Variants in DNAAF9 observed in about 807,000 individuals in gnomAD.
The protein encoded by DNAAF9 is shulin.
A neutral mutation model predicts 167.0 loss-of-function variants in DNAAF9; 90 were observed. The ratio of observed to expected loss-of-function variants is 0.54; its 90% confidence interval spans 0.45 to 0.64. DNAAF9 has a LOEUF of 0.64. DNAAF9 is among the 30% of genes least tolerant of loss of function. The probability of loss-of-function intolerance (pLI) is 0.00; values close to 1 mark genes in which losing one functional copy is unlikely to be tolerated. For missense variants in DNAAF9, 1,315 were observed against 1,442.2 expected (o/e 0.91, Z 1.43); for synonymous variants, 491 against 508.8 (o/e 0.96, Z 0.47).
At chr20:3,378,131 T>C (rs964268761) in intron 3 of DNAAF9, among the ~76,000 whole-genome samples, 3 of 152,172 alleles carry the variant, frequency 2.0e-5, no homozygotes, top group Admixed American at 6.5e-5. Context: ...GGACCAGACA[T>C]AGCTGAGTAC....
At chr20:3,328,845 C>T (rs916081018) in intron 12 of DNAAF9, among the ~76,000 whole-genome samples, 8 of 150,574 alleles carry the variant, frequency 5.3e-5, no homozygotes, top group Non-Finnish European at 8.8e-5. Flanking sequence ...TACACACACA[C>T]GTATACACAC....
Position 3,336,252 on chromosome 20 carries a change from G to GTTTTTTTTTTTTTTTTT in DNAAF9, c.982-3892_982-3891insAAAAAAAAAAAAAAAAA, listed in dbSNP as rs1178750984. Among the ~76,000 whole-genome samples the GTTTTTTTTTTTTTTTTT allele has an allele frequency of 4.1e-4, 33 of 81,436 alleles. 5 individuals are homozygous for GTTTTTTTTTTTTTTTTT. Among genetic ancestry groups the GTTTTTTTTTTTTTTTTT allele is most frequent in the South Asian group, 9.0e-4 (2 of 2,214 alleles). 53.4% of individuals were successfully genotyped at this position (81,436 alleles called of 152,430 possible). On this transcript the variant is annotated intron_variant, in intron 10 of 36. Transcript: ENST00000252032. ...TGATTTTGCAGATTCACAGTTTTGC[G>GTTTTTTTTTTTTTTTTT]TTTTTGTTTTTTTTTTTTTTTTTGC...
chr20:3,295,941 C>T, intron 23 of DNAAF9: 1 of 1,579,336 alleles, frequency 6.3e-7, no homozygotes. Context: ...TCCCCTGTCT[C>T]TGTGATGTTG....
intron 14 of DNAAF9, among the ~76,000 whole-genome samples, chr20:3,324,483 G>A (rs1452906025): frequency 1.3e-5 from 2 of 151,990 alleles, no homozygotes; most frequent in Admixed American, 1.3e-4. Flanking sequence ...CCAGGCTCAG[G>A]GTTTCTGTCA....
intron 16 of DNAAF9, among the ~76,000 whole-genome samples, chr20:3,319,579 G>A (rs182294237): frequency 8.5e-5 from 13 of 152,240 alleles, no homozygotes; most frequent in Admixed American, 2.0e-4. Context: ...AGTAGTGAGC[G>A]GTGGGTGCTG....
intron 25 of DNAAF9, among the ~76,000 whole-genome samples, chr20:3,290,531 A>G (rs1245122962): frequency 6.6e-6 from 1 of 152,216 alleles, no homozygotes; most frequent in Non-Finnish European, 1.5e-5. Context: ...TAGATTAGTT[A>G]AAATACAATG....
chr20:3,313,643 G>GTTT (rs1007956208), intron 20 of DNAAF9, among the ~76,000 whole-genome samples: 4 of 152,270 alleles, frequency 2.6e-5, no homozygotes, highest in Non-Finnish European at 5.9e-5. Flanking sequence ...GACCAACAAG[G>GTTT]TTTTTGAGGA....
chr20:3,363,889 T>G (rs1269106559), intron 6 of DNAAF9, among the ~76,000 whole-genome samples: 1 of 152,176 alleles, frequency 6.6e-6, no homozygotes, highest in Non-Finnish European at 1.5e-5. Flanking sequence ...TCTTAAAAAA[T>G]TCTCAATTAT....
At chr20:3,255,861 G>T in intron 34 of DNAAF9, 145 bp downstream of exon 34, 1 of 637,606 alleles carries the variant, frequency 1.6e-6, no homozygotes, top group South Asian at 1.9e-5. Flanking sequence ...CTCTCAAAGT[G>T]TCCCTGCAAG....
intron 1 of DNAAF9, among the ~76,000 whole-genome samples, chr20:3,399,026 T>C (rs774093149): frequency 9.9e-5 from 15 of 152,208 alleles, no homozygotes; most frequent in South Asian, 2.1e-4. Flanking sequence ...ACATATGATA[T>C]GCCTTGATAT....
chr20:3,291,380 C>T lies in DNAAF9; in HGVS notation c.2239-1163G>A, dbSNP rs575276766. Among the ~76,000 whole-genome samples the T allele has an allele frequency of 3.6e-4, 54 of 149,554 alleles. No individual in the cohort carries two copies. In the East Asian group the frequency reaches 6.7e-3, roughly 19 times the overall value. On this transcript the variant is annotated intron_variant, in intron 25 of 36. Transcript: ENST00000252032. ...TTTTTTTTGAGACGGAGTCTCGCTC[C>T]GTCGCCAGGCTGGAGTGCAGTGGTG...
At chr20:3,313,790 C>T (rs571629984) in intron 20 of DNAAF9, among the ~76,000 whole-genome samples, 1 of 152,318 alleles carries the variant, frequency 6.6e-6, no homozygotes, top group South Asian at 2.1e-4. Flanking sequence ...AAACAAAGTA[C>T]TACCTTTCAC....
At chr20:3,295,039 G>A (rs1209484156) in intron 23 of DNAAF9, among the ~76,000 whole-genome samples, 2 of 151,756 alleles carry the variant, frequency 1.3e-5, no homozygotes, top group African/African-American at 2.4e-5. Flanking sequence ...CTAATTTTGT[G>A]TTTGTATTTT....
intron 22 of DNAAF9, among the ~76,000 whole-genome samples, chr20:3,297,609 C>T (rs1358373212): frequency 6.6e-6 from 1 of 152,158 alleles, no homozygotes; most frequent in Non-Finnish European, 1.5e-5. Context: ...TCTATGCCAT[C>T]TGTGCTGAGT....
At chr20:3,281,845 G>T in intron 27 of DNAAF9, 79 bp from the exon 28 acceptor site, 1 of 1,461,908 alleles carries the variant, frequency 6.8e-7, no homozygotes, top group Non-Finnish European at 9.4e-7. Flanking sequence ...CCGAATGGCT[G>T]ATTGAACAAG....
intron 25 of DNAAF9, among the ~76,000 whole-genome samples, chr20:3,292,775 A>G (rs2068985300): frequency 1.3e-5 from 2 of 148,870 alleles, no homozygotes; most frequent in Admixed American, 6.7e-5. Flanking sequence ...CAAAAAAGAA[A>G]AAAAAAAAAA....
chr20:3,399,416 G>A (rs1347239852), intron 1 of DNAAF9, among the ~76,000 whole-genome samples: 7 of 152,094 alleles, frequency 4.6e-5, no homozygotes, highest in Admixed American at 2.0e-4. Context: ...CATCATGCTC[G>A]CCAGGCTGGT....
intron 12 of DNAAF9, among the ~76,000 whole-genome samples, chr20:3,327,463 C>T (rs1042067512): frequency 3.3e-5 from 5 of 151,968 alleles, no homozygotes; most frequent in African/African-American, 7.3e-5. Flanking sequence ...AGGACACTTA[C>T]GAAGAGAAGG....
intron 6 of DNAAF9, among the ~76,000 whole-genome samples, chr20:3,372,429 C>T (rs1285417502): frequency 2.0e-5 from 3 of 152,228 alleles, no homozygotes; most frequent in African/African-American, 7.2e-5. Context: ...GTAACTCTTC[C>T]TTTATGATGT....
Sources: gnomAD v4.1 joint callset for allele counts (sites outside exome capture counted in the v4.1 genomes callset) on GRCh38, gnomAD v4.1.1 for gene constraint, MANE v1.5 for transcripts, NCBI Gene and HGNC (gene_info 2026-07-23, HGNC 2026-07-21) for gene names.